Variants in CMTM4 observed in about 807,000 individuals in gnomAD.
CMTM4 encodes the protein CKLF-like MARVEL transmembrane domain-containing protein 4.
In CMTM4, 8 loss-of-function variants were observed where a neutral mutation model predicts 19.0. The ratio of observed to expected loss-of-function variants is 0.42; its 90% CI spans 0.25 to 0.76. The LOEUF (loss-of-function observed/expected upper bound fraction) is 0.76. CMTM4 is among the 30% of genes least tolerant of loss of function. The probability of loss-of-function intolerance (pLI) is 0.27; values close to 1 mark genes in which losing one functional copy is unlikely to be tolerated. For synonymous variants in CMTM4, 106 were observed against 121.1 expected (o/e 0.88, Z 0.82); for missense variants, 228 against 290.2 (o/e 0.79, Z 1.56).
Position 66,617,342 on chromosome 16 carries a change from T to C in CMTM4, c.*4716A>G. 6.2e-7 allele frequency: 1 copy of C among 1,613,854 alleles called. No homozygotes were observed. The highest frequency in any genetic ancestry group is 2.2e-5 in the East Asian group (1 of 44,870). ...GGTGATTTTTTCCTTACTGTTACGTTTGTGGAGTAGGAAAAACTAGAAAGG... is the reference window on the plus strand; with the variant it reads ...GGTGATTTTTTCCTTACTGTTACGTCTGTGGAGTAGGAAAAACTAGAAAGG... On this transcript the variant is annotated 3_prime_UTR_variant, in exon 4 of 4. Coordinates refer to ENST00000394106, the MANE Select transcript of CMTM4 (RefSeq NM_181521.3).
intron 1 of CMTM4, among the ~76,000 whole-genome samples, chr16:66,647,364 G>A (rs1331212102): frequency 1.3e-5 from 2 of 149,756 alleles, no homozygotes; most frequent in African/African-American, 4.9e-5. Context: ...AAAGTACACA[G>A]GCTTCACAAT....
intron 1 of CMTM4, among the ~76,000 whole-genome samples, chr16:66,681,859 C>G (rs536288923): frequency 3.9e-5 from 6 of 152,292 alleles, no homozygotes; most frequent in Non-Finnish European, 7.4e-5. Flanking sequence ...CACCTCTTAC[C>G]ACGCCTTTCT....
At chr16:66,691,481 G>A (rs2017133792) in intron 1 of CMTM4, among the ~76,000 whole-genome samples, 1 of 152,068 alleles carries the variant, frequency 6.6e-6, no homozygotes, top group Non-Finnish European at 1.5e-5. Flanking sequence ...AGGAAGGATT[G>A]CTTGAGCTCA....
At chr16:66,613,083 C>T (rs565723932), downstream of CMTM4, 118 of 703,050 alleles carry the variant, frequency 1.7e-4, 2 homozygotes, top group South Asian at 1.7e-3. Flanking sequence ...TTTGTCTGCA[C>T]TTGGTGCTCC....
intron 2 of CMTM4, among the ~76,000 whole-genome samples, chr16:66,633,638 C>T (rs1168221978): frequency 2.6e-5 from 4 of 151,798 alleles, no homozygotes; most frequent in Admixed American, 6.6e-5. Flanking sequence ...GCCAACGTGG[C>T]GAAACCTCGT....
chr16:66,649,467 T>TATCC (rs1043660295), intron 1 of CMTM4, among the ~76,000 whole-genome samples: 2 of 143,178 alleles, frequency 1.4e-5, no homozygotes, highest in African/African-American at 5.4e-5. Context: ...TCCATCTATC[T>TATCC]ATCTATCTAT....
At chr16:66,658,019 G>A (rs936867475) in intron 1 of CMTM4, among the ~76,000 whole-genome samples, 7 of 152,218 alleles carry the variant, frequency 4.6e-5, no homozygotes, top group South Asian at 4.2e-4. Flanking sequence ...CCTGGAGTTC[G>A]AGACCAGCCT....
the CMTM4 span, chr16:66,604,781 C>T: frequency 4.8e-6 from 6 of 1,241,200 alleles, no homozygotes; most frequent in African/African-American, 4.7e-5. Flanking sequence ...CCAGGCCGAG[C>T]CCCGGCCCTA....
intron 1 of CMTM4, among the ~76,000 whole-genome samples, chr16:66,641,019 G>A (rs1419361808): frequency 6.6e-6 from 1 of 152,106 alleles, no homozygotes; most frequent in Non-Finnish European, 1.5e-5. Context: ...CTGACACACA[G>A]AAATGAAAAG....
intron 1 of CMTM4, among the ~76,000 whole-genome samples, chr16:66,656,293 C>T (rs965795185): frequency 4.6e-5 from 7 of 152,118 alleles, no homozygotes; most frequent in Non-Finnish European, 8.8e-5. Context: ...TGGCAGCTAT[C>T]GTAATTCTTG....
intron 1 of CMTM4, among the ~76,000 whole-genome samples, chr16:66,672,418 CA>C (rs58252678): frequency 0.2 from 14,974 of 74,608 alleles, 917 homozygotes; most frequent in East Asian, 0.37. Flanking sequence ...GACTACGTCT[CA>C]AAAAAAAAAA....
At chr16:66,659,706 T>C (rs1173979639) in intron 1 of CMTM4, among the ~76,000 whole-genome samples, 2 of 152,242 alleles carry the variant, frequency 1.3e-5, no homozygotes, top group South Asian at 2.1e-4. Context: ...TCGTAACTGA[T>C]AGAGATGCAT....
chr16:66,642,322 CTTT>C (rs1351063705), intron 1 of CMTM4, among the ~76,000 whole-genome samples: 1 of 152,164 alleles, frequency 6.6e-6, no homozygotes, highest in East Asian at 1.9e-4. Flanking sequence ...TAAGAAAAAA[CTTT>C]TTTGTTTACT....
In CMTM4 at chr16:66,619,723, C is replaced by T. The variant is rs1678416300; in HGVS notation, c.*2335G>A. 1 of 985,246 alleles carries T rather than the reference C, an allele frequency of 1.0e-6. No individual in the cohort carries two copies. Among genetic ancestry groups the T allele is most frequent in the African/African-American group, 1.7e-5 (1 of 57,212 alleles). 61.0% of individuals were successfully genotyped at this position (985,246 alleles called of 1,614,324 possible). ...ACACATTACATCAACTAGAAAGCGT[C>T]CATAGCACCACTTCCGGTTCTAGTG... is the stretch of plus-strand genomic sequence containing the variant. On this transcript the variant is annotated 3_prime_UTR_variant, in exon 4 of 4. Transcript: ENST00000394106.
At chr16:66,670,398 G>A (rs1457295749) in intron 1 of CMTM4, among the ~76,000 whole-genome samples, 2 of 143,936 alleles carry the variant, frequency 1.4e-5, no homozygotes, top group African/African-American at 2.6e-5. Flanking sequence ...AGGCTGCAGC[G>A]AGCCAAGATC....
At chr16:66,604,890 G>A in the CMTM4 span, 12 of 1,438,284 alleles carry the variant, frequency 8.3e-6, no homozygotes, top group Admixed American at 2.7e-4. Flanking sequence ...CGGGCTCCGC[G>A]CCCTGCTGCC....
downstream of CMTM4, chr16:66,610,130 A>T (rs540318218): frequency 1.6e-6 from 2 of 1,243,432 alleles, no homozygotes; most frequent in Non-Finnish European, 2.3e-6. This position sits in a 1 kb window ranked among gnomAD's most constrained non-coding sequence, Gnocchi z 4.6. Context: ...GTGTTTTCAC[A>T]GCCCATTCTC....
the CMTM4 span, chr16:66,604,638 C>T: frequency 3.1e-6 from 1 of 323,408 alleles, no homozygotes; most frequent in Non-Finnish European, 4.2e-6. Context: ...GGGGGAGGGG[C>T]GGGCTGGAGG....
At chr16:66,641,055 T>C (rs355967) in intron 1 of CMTM4, among the ~76,000 whole-genome samples, 7,434 of 152,238 alleles carry the variant, frequency 0.049, 296 homozygotes, top group East Asian at 0.11. Context: ...TTCTTGTTTG[T>C]TTGCTTTTTT....
Sources: gnomAD v4.1 joint callset for allele counts (sites outside exome capture counted in the v4.1 genomes callset) on GRCh38, gnomAD v4.1.1 for gene constraint, Gnocchi (gnomAD v3.1) non-coding constraint, MANE v1.5 for transcripts, NCBI Gene and HGNC (gene_info 2026-07-23, HGNC 2026-07-21) for gene names.